Variants in ABCC6 observed in about 807,000 individuals in gnomAD.
ABCC6 encodes ATP binding cassette subfamily C member 6, also known as ATP-binding cassette sub-family C member 6.
In ABCC6, 126 loss-of-function variants were observed where a neutral mutation model predicts 169.5. That is an observed-to-expected ratio of 0.74 (90% CI 0.64 to 0.86). ABCC6 has a LOEUF of 0.86. Ranked by LOEUF, ABCC6 falls within the 40% of genes least tolerant of loss-of-function variation. The probability of loss-of-function intolerance (pLI) is 0.00; values close to 1 mark genes in which losing one functional copy is unlikely to be tolerated. For missense variants in ABCC6, 1,733 were observed against 1,927.2 expected (o/e 0.90, Z 1.89); for synonymous variants, 752 against 814.7 (o/e 0.92, Z 1.31).
chr16:16,208,711 G>A lies in ABCC6; in HGVS notation c.794+17C>T. 6.2e-7 allele frequency: 1 copy of A among 1,613,508 alleles called. No homozygotes were observed. The highest frequency in any genetic ancestry group is 8.5e-7 in the Non-Finnish European group (1 of 1,179,622). ...CTGAAGTAGCATCAGGTGAGTTCTT[G>A]ACCTCCACCCACTTACCTCCGGGCT... On this transcript the variant is annotated intron_variant, in intron 7 of 30. Coordinates refer to ENST00000205557, the MANE Select transcript of ABCC6 (RefSeq NM_001171.6).
chr16:16,204,833 TTTTC>T (rs2048343725), intron 7 of ABCC6, among the ~76,000 whole-genome samples: 4 of 144,876 alleles, frequency 2.8e-5, no homozygotes, highest in Non-Finnish European at 6.1e-5. Flanking sequence ...TTTCTTTTTC[TTTTC>T]TTTTTTTTTT....
intron 21 of ABCC6, among the ~76,000 whole-genome samples, chr16:16,170,685 A>G (rs2047030848): frequency 6.6e-6 from 1 of 152,072 alleles, no homozygotes; most frequent in Non-Finnish European, 1.5e-5. Context: ...TGGGAGGCCA[A>G]GGCGGGTGTG....
intron 1 of ABCC6, among the ~76,000 whole-genome samples, chr16:16,222,726 A>T (rs1336444980): frequency 1.3e-5 from 2 of 151,396 alleles, no homozygotes; most frequent in Non-Finnish European, 3.0e-5. Flanking sequence ...ATCTAACCCT[A>T]GAAGAAATTT....
At chr16:16,176,558 C>T (rs1210757691) in intron 19 of ABCC6, among the ~76,000 whole-genome samples, 1 of 152,256 alleles carries the variant, frequency 6.6e-6, no homozygotes, top group East Asian at 1.9e-4. Flanking sequence ...CTTCAAGCTT[C>T]AGGACTGTGA....
intron 27 of ABCC6, among the ~76,000 whole-genome samples, chr16:16,156,579 T>A (rs576579240): frequency 6.6e-6 from 1 of 152,162 alleles, no homozygotes; most frequent in East Asian, 1.9e-4. Flanking sequence ...AATTCACACT[T>A]TACCCCAAGG....
In ABCC6 at chr16:16,203,594, A is replaced by G. The variant is rs199534175; in HGVS notation, c.814T>C (p.Phe272Leu). The part of the protein sequence containing the change: ...AARRHNKAIA[F>L]KRKGGSGMKA... Reference sequence around the variant, plus strand: ...ATGCCACTGCCGCCTTTCCTTTTAAATGCTATTGCCTTGTTGTGCCTGAGG... The same window carrying G: ...ATGCCACTGCCGCCTTTCCTTTTAAGTGCTATTGCCTTGTTGTGCCTGAGG... Residue 272 changes from phenylalanine (F) to leucine (L), a missense_variant, in exon 8 of 31, where the codon TTT (phenylalanine) becomes CTT (leucine). Transcript: ENST00000205557. The G allele has an allele frequency of 8.1e-6, 13 of 1,614,018 alleles. No individual in the cohort carries two copies. The South Asian group carries it at 1.4e-4, about 18-fold the overall frequency.
At chr16:16,222,433 G>C (rs550498218) in intron 1 of ABCC6, among the ~76,000 whole-genome samples, 1 of 152,222 alleles carries the variant, frequency 6.6e-6, no homozygotes, top group Admixed American at 6.5e-5. Flanking sequence ...CCAGGCTGAA[G>C]TGGCACAATC....
At chr16:16,161,302 G>A (rs572006468) in intron 25 of ABCC6, 136 bp downstream of exon 25, 122 of 1,324,338 alleles carry the variant, frequency 9.2e-5, no homozygotes, top group South Asian at 7.0e-4. Flanking sequence ...GTAGAGCTGC[G>A]TGTCCCTCCT....
chr16:16,173,317 C>T lies in ABCC6; in HGVS notation c.2754G>A (p.Trp918Ter), dbSNP rs1567490769. ...ATTGGATGCTGTCCTTTCCTGCTGGCCATCCTGCCCTGTCAGGGTCATCCA... is the reference window on the plus strand; with the variant it reads ...ATTGGATGCTGTCCTTTCCTGCTGGTCATCCTGCCCTGTCAGGGTCATCCA... Reference protein sequence around the residue: ...VPLDDPDRAGWPAGKDSIQYG... With the variant: ...VPLDDPDRAG Residue 918 changes from tryptophan to a stop codon, truncating the protein, a stop_gained, in exon 21 of 31, where the codon TGG becomes TGA. Coordinates refer to ENST00000205557, the MANE Select transcript of ABCC6 (RefSeq NM_001171.6). LOFTEE classifies it high-confidence loss of function. 1 of 1,614,038 alleles carries T rather than the reference C, an allele frequency of 6.2e-7. No individual in the cohort carries two copies. Among genetic ancestry groups the T allele is most frequent in the South Asian group, 1.1e-5 (1 of 91,086 alleles).
chr16:16,184,349 C>G (rs1297728889), intron 15 of ABCC6, among the ~76,000 whole-genome samples: 1 of 152,010 alleles, frequency 6.6e-6, no homozygotes, highest in Non-Finnish European at 1.5e-5. Flanking sequence ...GGCCTCACCT[C>G]TATCAGCATG....
At chr16:16,179,198 C>T (rs2047391828) in intron 17 of ABCC6, among the ~76,000 whole-genome samples, 1 of 152,196 alleles carries the variant, frequency 6.6e-6, no homozygotes, top group African/African-American at 2.4e-5. Flanking sequence ...GGAGGAGTTA[C>T]CTACACTTCC....
chr16:16,190,425 CA>C, intron 11 of ABCC6, 58 bp from the exon 12 acceptor site: 1 of 1,579,630 alleles, frequency 6.3e-7, no homozygotes, highest in Non-Finnish European at 8.7e-7. Context: ...CTCTTCCCTG[CA>C]CCCTGACAGC....
chr16:16,182,782 G>A (rs2047519202), intron 16 of ABCC6, 22 bp downstream of exon 16: 7 of 1,613,696 alleles, frequency 4.3e-6, no homozygotes, highest in Non-Finnish European at 5.9e-6. Flanking sequence ...CATCCTAGCA[G>A]ACAGGCTGGG....
chr16:16,185,142 A>G (rs1197697699), intron 14 of ABCC6, 108 bp from the exon 15 acceptor site: 2 of 1,051,808 alleles, frequency 1.9e-6, no homozygotes, highest in Non-Finnish European at 2.9e-6. Flanking sequence ...CAGAGGCTGC[A>G]GGAAGAAATC....
At chr16:16,201,300 G>C (rs949836872) in intron 9 of ABCC6, among the ~76,000 whole-genome samples, 1 of 152,160 alleles carries the variant, frequency 6.6e-6, no homozygotes, top group Non-Finnish European at 1.5e-5. Context: ...AGTATTGTCT[G>C]GGAACACAGC....
intron 22 of ABCC6, among the ~76,000 whole-genome samples, chr16:16,168,440 C>T (rs1316167760): frequency 2.0e-5 from 3 of 152,042 alleles, no homozygotes; most frequent in East Asian, 1.9e-4. Flanking sequence ...GAGCCGAGTT[C>T]GTGCCACTGC....
Position 16,203,503 on chromosome 16 carries a change from G to A in ABCC6, c.905C>T (p.Ala302Val). The change falls in exon 8 of 31, where the codon GCC becomes GTC. Residue 302 changes from alanine (A) to valine (V), a missense_variant. Physicochemically the swap from Ala to Val is moderately conservative, Grantham distance 64. Coordinates refer to ENST00000205557, the MANE Select transcript of ABCC6 (RefSeq NM_001171.6). ...GGTAGAATGGAACACCTGCCAGATG[G>A]CCTTCAGCAGTGGGCGCCACTGGCT... ...EGSQWRPLLK[A>V]IWQVFHSTFL... is the part of the protein sequence containing the mutation. 1 of 1,614,024 alleles carries A rather than the reference G, an allele frequency of 6.2e-7. No individual in the cohort carries two copies. The highest frequency in any genetic ancestry group is 8.5e-7 in the Non-Finnish European group (1 of 1,179,880).
intron 25 of ABCC6, 45 bp from the exon 26 acceptor site, chr16:16,159,628 G>C: frequency 6.3e-7 from 1 of 1,583,604 alleles, no homozygotes; most frequent in Non-Finnish European, 8.7e-7. Context: ...AAGGCCACTT[G>C]AGGGCTTGCA....
chr16:16,162,854 A>G, intron 24 of ABCC6, 139 bp downstream of exon 24: 1 of 1,135,922 alleles, frequency 8.8e-7, no homozygotes. Flanking sequence ...GTGAGAACTG[A>G]TAGACTGCCT....
Sources: gnomAD v4.1 joint callset for allele counts (sites outside exome capture counted in the v4.1 genomes callset) on GRCh38, gnomAD v4.1.1 for gene constraint, MANE v1.5 for transcripts, NCBI Gene and HGNC (gene_info 2026-07-23, HGNC 2026-07-21) for gene names.